TBC1D31: variants seen among roughly 807,000 people sequenced by gnomAD.
The protein encoded by TBC1D31 is WD repeat domain 67.
In TBC1D31, 99 loss-of-function variants were observed where a neutral mutation model predicts 132.9. The observed-to-expected ratio is 0.74, with a 90% CI of 0.63 to 0.88. The LOEUF (loss-of-function observed/expected upper bound fraction) is 0.88, where lower values mean the gene tolerates loss of function less well. Among genes scored for constraint, TBC1D31 ranks in the 40% least tolerant of loss-of-function variants. The pLI, the probability that TBC1D31 is intolerant of heterozygous loss-of-function variation, is 0.00. For synonymous variants in TBC1D31, 385 were observed against 419.4 expected, an observed-to-expected ratio of 0.92 and a Z score of 1.00; for missense variants, 1,134 against 1,256.6, an observed-to-expected ratio of 0.90 and a Z score of 1.48.
chr8:123,136,211 C>T (rs555021532), intron 17 of TBC1D31, among the ~76,000 whole-genome samples: 2 of 152,234 alleles, frequency 1.3e-5, no homozygotes, highest in Non-Finnish European at 2.9e-5. Context: ...TCCAAAATGT[C>T]CTTTAGAGCA....
chr8:123,126,731 A>C, intron 13 of TBC1D31, 44 bp downstream of exon 13: 2 of 1,499,360 alleles, frequency 1.3e-6, no homozygotes, highest in Non-Finnish European at 1.8e-6. Flanking sequence ...AATATCAGTT[A>C]TTTCTCTCTA....
chr8:123,160,011 G>C, the TBC1D31 span, among the ~76,000 whole-genome samples: 1 of 152,250 alleles, frequency 6.6e-6, no homozygotes, highest in Non-Finnish European at 1.5e-5. Context: ...TGGGTTGTTT[G>C]TTACAAGTAA....
chr8:123,096,444 C>T (rs182526134), intron 5 of TBC1D31, among the ~76,000 whole-genome samples: 1 of 152,334 alleles, frequency 6.6e-6, no homozygotes, highest in East Asian at 1.9e-4. Context: ...AATTCTTCCT[C>T]CAAGTCATCC....
intron 10 of TBC1D31, 123 bp downstream of exon 10, chr8:123,109,743 T>G (rs1818275331): frequency 7.5e-6 from 7 of 927,690 alleles, no homozygotes; most frequent in Non-Finnish European, 9.6e-6. Context: ...ATATGTTGGT[T>G]TAATTTTAAA....
chr8:123,087,368 A>G (rs1258606607), intron 4 of TBC1D31, among the ~76,000 whole-genome samples: 3 of 152,132 alleles, frequency 2.0e-5, no homozygotes, highest in Admixed American at 6.5e-5. Context: ...TTTCTAGGTT[A>G]TTAACATGAA....
chr8:123,113,611 T>C (rs746169032), intron 10 of TBC1D31, among the ~76,000 whole-genome samples: 2 of 152,208 alleles, frequency 1.3e-5, no homozygotes, highest in Non-Finnish European at 2.9e-5. Flanking sequence ...AAGTTTCTCA[T>C]AAAATGTAAT....
At chr8:123,088,598 T>C (rs1170066444) in intron 4 of TBC1D31, among the ~76,000 whole-genome samples, 1 of 152,240 alleles carries the variant, frequency 6.6e-6, no homozygotes, top group Non-Finnish European at 1.5e-5. Flanking sequence ...CCTGAGAACA[T>C]GTGCCCCTAA....
chr8:123,140,650 T>C (rs1042858932), intron 17 of TBC1D31, 111 bp from the exon 18 acceptor site: 3 of 876,520 alleles, frequency 3.4e-6, no homozygotes, highest in Non-Finnish European at 5.1e-6. Flanking sequence ...ACTTTGAAAA[T>C]TAGATGATTA....
chr8:123,084,041 G>T, intron 3 of TBC1D31, 121 bp from the exon 4 acceptor site: 1 of 776,700 alleles, frequency 1.3e-6, no homozygotes, highest in Non-Finnish European at 2.1e-6. Flanking sequence ...GGATATTAAT[G>T]GAGGTGCCTC....
intron 5 of TBC1D31, among the ~76,000 whole-genome samples, chr8:123,096,382 T>C (rs778894212): frequency 6.6e-6 from 1 of 152,240 alleles, no homozygotes; most frequent in African/African-American, 2.4e-5. Context: ...ACTAACCTTA[T>C]TGCTTTTTCA....
At chr8:123,135,410 G>A (rs1820996246) in intron 17 of TBC1D31, among the ~76,000 whole-genome samples, 1 of 152,002 alleles carries the variant, frequency 6.6e-6, no homozygotes, top group South Asian at 2.1e-4. Flanking sequence ...TTTTAGCCTG[G>A]GCAACACAGC....
intron 4 of TBC1D31, among the ~76,000 whole-genome samples, chr8:123,091,588 T>A (rs1226758804): frequency 6.6e-6 from 1 of 152,204 alleles, no homozygotes; most frequent in Non-Finnish European, 1.5e-5. Context: ...GCCTGATCTG[T>A]CAGTATCTGA....
intron 4 of TBC1D31, among the ~76,000 whole-genome samples, chr8:123,087,809 A>G (rs1815918152): frequency 6.6e-6 from 1 of 152,164 alleles, no homozygotes; most frequent in Non-Finnish European, 1.5e-5. Flanking sequence ...TAAGTATATT[A>G]ATGTTAGTGC....
chr8:123,128,323 A>G lies in TBC1D31; in HGVS notation c.1927A>G (p.Ile643Val). 1 of 1,612,848 alleles carries G rather than the reference A, an allele frequency of 6.2e-7. No homozygotes were observed. Among genetic ancestry groups the G allele is most frequent in the South Asian group, 1.1e-5 (1 of 90,986 alleles). The change falls in exon 14 of 22, where the codon ATT becomes GTT. Residue 643 changes from isoleucine to valine, a missense_variant. Coordinates refer to ENST00000287380, the MANE Select transcript of TBC1D31 (RefSeq NM_145647.4). Reference sequence around the variant, plus strand: ...GAATAACCTGGATATAAATGTTGTGATTAGACAAGTTTATCATCTCATGGA... The same window carrying G: ...GAATAACCTGGATATAAATGTTGTGGTTAGACAAGTTTATCATCTCATGGA... The part of the protein sequence containing the change: ...HRNNLDINVV[I>V]RQVYHLMETT...
At chr8:123,140,669 A>T in intron 17 of TBC1D31, 92 bp from the exon 18 acceptor site, 2 of 1,014,154 alleles carry the variant, frequency 2.0e-6, no homozygotes, top group Non-Finnish European at 2.9e-6. Flanking sequence ...TACAGCTTTT[A>T]TTTGTGTGCA....
chr8:123,082,907 G>T, intron 3 of TBC1D31, 90 bp downstream of exon 3: 1 of 845,664 alleles, frequency 1.2e-6, no homozygotes, highest in South Asian at 1.7e-5. Flanking sequence ...AGCTTGAGGG[G>T]GCAGTCCCCA....
intron 17 of TBC1D31, among the ~76,000 whole-genome samples, chr8:123,139,022 G>A (rs1437756742): frequency 6.6e-6 from 1 of 151,836 alleles, no homozygotes; most frequent in African/African-American, 2.4e-5. Context: ...TGCTCATGCT[G>A]GTTTCAAACT....
intron 10 of TBC1D31, among the ~76,000 whole-genome samples, chr8:123,109,852 G>A (rs1818282417): frequency 6.6e-6 from 1 of 152,160 alleles, no homozygotes; most frequent in Admixed American, 6.5e-5. Flanking sequence ...CCAGCACTTT[G>A]GGAGGCCAAG....
intron 18 of TBC1D31, 148 bp downstream of exon 18, chr8:123,141,049 G>C: frequency 1.4e-6 from 1 of 722,748 alleles, no homozygotes. Flanking sequence ...ATCTCACATT[G>C]CTTCCTTTTA....
Sources: gnomAD v4.1 joint callset for allele counts (sites outside exome capture counted in the v4.1 genomes callset) on GRCh38, gnomAD v4.1.1 for gene constraint, MANE v1.5 for transcripts, NCBI Gene and HGNC (gene_info 2026-07-23, HGNC 2026-07-21) for gene names.